The following ANKRD11 variants were observed in gnomAD, a reference collection of about 807,000 sequenced individuals.
ANKRD11 encodes the protein ankyrin repeat domain 11, also known as ankyrin repeat domain-containing protein 11.
ANKRD11 carries 17 observed loss-of-function variants against 195.7 expected under a neutral mutation model. That is an observed-to-expected ratio of 0.09 (90% CI 0.06 to 0.13). The LOEUF is 0.13. ANKRD11 is among the 10% of genes least tolerant of loss of function. ANKRD11 has a pLI of 1.00. For synonymous variants in ANKRD11, 1,953 were observed against 1,528.1 expected, an observed-to-expected ratio of 1.28 and a Z score of -6.49; for missense variants, 3,735 against 3,566.1, an observed-to-expected ratio of 1.05 and a Z score of -1.21.
intron 2 of ANKRD11, among the ~76,000 whole-genome samples, chr16:89,340,969 G>A (rs2038628277): frequency 6.6e-6 from 1 of 152,096 alleles, no homozygotes; most frequent in African/African-American, 2.4e-5. Context: ...AGTCCTGGAC[G>A]GACATTCTAC....
intron 1 of ANKRD11, among the ~76,000 whole-genome samples, chr16:89,447,013 C>G (rs2043823425): frequency 6.6e-6 from 1 of 152,062 alleles, no homozygotes; most frequent in Non-Finnish European, 1.5e-5. Flanking sequence ...GGAAAGGACC[C>G]AACACAACCT....
intron 2 of ANKRD11, among the ~76,000 whole-genome samples, chr16:89,399,433 G>A (rs1312839899): frequency 2.6e-5 from 4 of 152,168 alleles, no homozygotes; most frequent in South Asian, 2.1e-4. Flanking sequence ...GTACGGTTCC[G>A]ACTCTGACAT....
At chr16:89,397,268 G>C (rs934276163) in intron 2 of ANKRD11, among the ~76,000 whole-genome samples, 1 of 152,174 alleles carries the variant, frequency 6.6e-6, no homozygotes, top group Non-Finnish European at 1.5e-5. Context: ...CCACCTCCAG[G>C]ACAGACACCA....
At chr16:89,442,805 C>A (rs2043581977) in intron 1 of ANKRD11, among the ~76,000 whole-genome samples, 1 of 152,174 alleles carries the variant, frequency 6.6e-6, no homozygotes, top group Non-Finnish European at 1.5e-5. Flanking sequence ...TCACTCCAAC[C>A]CCATCACGGC....
intron 2 of ANKRD11, among the ~76,000 whole-genome samples, chr16:89,358,217 C>A (rs1458269305): frequency 6.6e-6 from 1 of 152,234 alleles, no homozygotes; most frequent in Non-Finnish European, 1.5e-5. Context: ...CCCCACACCT[C>A]ACTCTGGCAT....
chr16:89,366,686 A>C (rs2039964269), intron 2 of ANKRD11, among the ~76,000 whole-genome samples: 1 of 152,118 alleles, frequency 6.6e-6, no homozygotes. Flanking sequence ...ACATGTCTAG[A>C]CAGAGGTGCG....
At chr16:89,418,027 A>T (rs1045991364) in intron 2 of ANKRD11, among the ~76,000 whole-genome samples, 4 of 152,224 alleles carry the variant, frequency 2.6e-5, no homozygotes, top group African/African-American at 7.2e-5. Context: ...TTTATAGGCT[A>T]TTAACAACCT....
chr16:89,456,831 G>A (rs1053223515), intron 1 of ANKRD11, among the ~76,000 whole-genome samples: 18 of 152,176 alleles, frequency 1.2e-4, no homozygotes, highest in African/African-American at 1.9e-4. Flanking sequence ...CGCTTCCTTC[G>A]GGGGGAACAG....
At chr16:89,456,399 T>C (rs917069483) in intron 1 of ANKRD11, among the ~76,000 whole-genome samples, 12 of 145,854 alleles carry the variant, frequency 8.2e-5, no homozygotes, top group Non-Finnish European at 7.5e-5. Flanking sequence ...AAATAGAAAA[T>C]TAGCCGAGCG....
chr16:89,317,049 C>T lies in ANKRD11; in HGVS notation c.-30G>A. 1.2e-6 allele frequency: 2 copies of T among 1,603,358 alleles called. No homozygotes were observed. The highest frequency in any genetic ancestry group is 8.5e-7 in the Non-Finnish European group (1 of 1,174,606). On this transcript the variant is annotated 5_prime_UTR_variant, in exon 3 of 13. Coordinates refer to ENST00000301030, the MANE Select transcript of ANKRD11 (RefSeq NM_013275.6). ...CTGCTCCTCACCCGATCTTCATTTA[C>T]ACGGCCGGCGCTTCATCATCAACCG...
intron 3 of ANKRD11, chr16:89,313,385 G>T: frequency 7.8e-7 from 1 of 1,288,382 alleles, no homozygotes. Context: ...CAGCGGTTCT[G>T]GGATTCCGTG....
At chr16:89,435,816 A>T (rs1044282018) in intron 1 of ANKRD11, among the ~76,000 whole-genome samples, 20 of 151,252 alleles carry the variant, frequency 1.3e-4, no homozygotes, top group African/African-American at 4.9e-4. Flanking sequence ...ACACACACAC[A>T]CACACACACA....
chr16:89,285,433 T>C lies in ANKRD11; in HGVS notation c.1109A>G (p.Asp370Gly), dbSNP rs2034582999. The C allele has an allele frequency of 3.7e-6, 6 of 1,614,210 alleles. No homozygotes were observed. Among genetic ancestry groups the C allele is most frequent in the Non-Finnish European group, 5.1e-6 (6 of 1,180,046 alleles). Residue 370 changes from aspartate (D) to glycine (G), a missense_variant, in exon 9 of 13, where the codon GAC (aspartate) becomes GGC (glycine). Asp to Gly is a moderately conservative substitution (Grantham distance 94, BLOSUM62 -1). Coordinates refer to ENST00000301030, the MANE Select transcript of ANKRD11 (RefSeq NM_013275.6). The surrounding 1 kb of genome is among the most constrained non-coding windows in gnomAD (Gnocchi z 5.6). The stretch of plus-strand genomic sequence containing the variant: ...ATTGGATTTCGTTTCTTTTCTGTAG[T>C]CCTTTTTCAATAGGTGCTTGTCGTC... ...PVDDKHLLKK[D>G]YRKETKSNSF...
chr16:89,319,385 C>T (rs565302948), intron 2 of ANKRD11, among the ~76,000 whole-genome samples: 5 of 152,228 alleles, frequency 3.3e-5, no homozygotes, highest in Non-Finnish European at 7.3e-5. Context: ...GGAAGTGGGT[C>T]GCACCCACCA....
At position 89,283,317 on chromosome 16, in the gene ANKRD11, T is replaced by C. The variant is rs778924483; in HGVS notation, c.3225A>G (p.Glu1075=). The change falls in exon 9 of 13, where the codon GAA becomes GAG. Residue 1075 remains glutamate, a synonymous_variant. Coordinates refer to ENST00000301030, the MANE Select transcript of ANKRD11 (RefSeq NM_013275.6). This position sits in a 1 kb window ranked among gnomAD's most constrained non-coding sequence, Gnocchi z 4.3. ...TCCCTTGGTCGAGAGACGCTTTCCT[T>C]TCTTTGTCTTTGCCATGTGTGTCTT... ...KHKDTHGKDK[E]RKASLDQGKE... is the part of the protein sequence containing the mutation. The C allele has an allele frequency of 1.2e-6, 2 of 1,614,034 alleles. No homozygotes were observed.
intron 2 of ANKRD11, among the ~76,000 whole-genome samples, chr16:89,394,652 T>A (rs941064755): frequency 6.6e-6 from 1 of 151,804 alleles, no homozygotes; most frequent in African/African-American, 2.4e-5. Context: ...ACAAACAACC[T>A]TTTGTGGAAA....
In ANKRD11 at chr16:89,342,077, G is replaced by GGCCCATGGCAGGAGTGCTGCACCTCCA. The variant is rs1567674418; in HGVS notation, c.-59-25000_-59-24999insTGGAGGTGCAGCACTCCTGCCATGGGC. ...ACGGCGGGAGTGCTGCACCTCCACC[G>GGCCCATGGCAGGAGTGCTGCACCTCCA]CCCACAGCTCTGCTTCCCACCCTCC... On this transcript the variant is annotated intron_variant, in intron 2 of 12. Coordinates refer to ENST00000301030, the MANE Select transcript of ANKRD11 (RefSeq NM_013275.6). 1.5e-3 allele frequency among the ~76,000 whole-genome samples: 79 copies of GGCCCATGGCAGGAGTGCTGCACCTCCA among 53,758 alleles called. 23 individuals carry two copies. The highest frequency in any genetic ancestry group is 6.1e-3 in the African/African-American group (74 of 12,066). The allele number at this position is 53,758 out of a possible 152,430, so 35.3% of individuals were successfully genotyped here.
At chr16:89,477,052 AG>A (rs1366432140) in intron 1 of ANKRD11, among the ~76,000 whole-genome samples, 3 of 152,246 alleles carry the variant, frequency 2.0e-5, no homozygotes, top group Non-Finnish European at 2.9e-5. Context: ...AGACGGAGTA[AG>A]AAACAGAGAA....
At chr16:89,413,116 C>A (rs1259405791) in intron 2 of ANKRD11, among the ~76,000 whole-genome samples, 1 of 152,198 alleles carries the variant, frequency 6.6e-6, no homozygotes, top group Non-Finnish European at 1.5e-5. Flanking sequence ...CCCATTTTCA[C>A]ATGAACAGGT....
Sources: gnomAD v4.1 joint callset for allele counts (sites outside exome capture counted in the v4.1 genomes callset) on GRCh38, gnomAD v4.1.1 for gene constraint, Gnocchi (gnomAD v3.1) non-coding constraint, MANE v1.5 for transcripts, NCBI Gene and HGNC (gene_info 2026-07-23, HGNC 2026-07-21) for gene names.